Variants in FAAP20 observed in about 807,000 individuals in gnomAD.
FAAP20 encodes the protein FA core complex associated protein 20.
In FAAP20, 12 loss-of-function variants were observed where a neutral mutation model predicts 16.2. The ratio of observed to expected loss-of-function variants is 0.74; its 90% CI spans 0.48 to 1.20. FAAP20 has a LOEUF of 1.20. FAAP20 is among the 50% of genes most tolerant of loss of function. FAAP20 has a pLI of 0.00. For synonymous variants in FAAP20, 141 were observed against 110.7 expected (o/e 1.27, Z -1.72); for missense variants, 288 against 245.8 (o/e 1.17, Z -1.15).
chr1:2,192,166 C>T lies in FAAP20; in HGVS notation c.470+1473G>A, dbSNP rs528183872. On this transcript the variant is annotated intron_variant, in intron 3 of 3. Transcript: ENST00000378546. ...GCGGCCTCCCTGCTGGGGTCCTGTG[C>T]GGTCAGGAGTCCCAGGGCATCCCAG... 3.1e-4 allele frequency: 301 copies of T among 985,790 alleles called. 7 individuals carry two copies. The South Asian group carries it at 0.012, about 39-fold the overall frequency. 61.1% of individuals were successfully genotyped at this position (985,790 alleles called of 1,614,324 possible). A position where few individuals can be genotyped will look rare whatever the true frequency, so the allele number is the denominator to read the frequency against.
At chr1:2,189,149 G>A (rs1379866433), downstream of FAAP20, among the ~76,000 whole-genome samples, 1 of 151,694 alleles carries the variant, frequency 6.6e-6, no homozygotes, top group Non-Finnish European at 1.5e-5. Flanking sequence ...GGGCAACATG[G>A]CAAGACCCCT....
In FAAP20 at chr1:2,194,150, G is replaced by C; in HGVS notation, c.63-17C>G. On this transcript the variant is annotated splice_polypyrimidine_tract_variant and intron_variant, in intron 1 of 3. Transcript: ENST00000378546. Reference sequence around the variant, plus strand: ...CCAGAAGGCCTGGGGCAGACAGAGAGGGCAGACAGGGGGTACTCAGTAGCG... The same window carrying C: ...CCAGAAGGCCTGGGGCAGACAGAGACGGCAGACAGGGGGTACTCAGTAGCG... The C allele has an allele frequency of 6.2e-7, 1 of 1,611,542 alleles. No individual in the cohort carries two copies. Among genetic ancestry groups the C allele is most frequent in the Non-Finnish European group, 8.5e-7 (1 of 1,179,692 alleles).
upstream of FAAP20, chr1:2,200,667 C>T (rs1375319673): frequency 1.0e-6 from 1 of 986,754 alleles, no homozygotes. Context: ...AGGAGACACG[C>T]AGCAGGCTCC....
At chr1:2,208,343 A>G (rs1202764147), downstream of FAAP20, among the ~76,000 whole-genome samples, 6 of 151,444 alleles carry the variant, frequency 4.0e-5, no homozygotes, top group Admixed American at 1.3e-4. Context: ...TCTCAACTTT[A>G]CCCTGTCTCC....
chr1:2,203,522 C>G (rs1447697909), upstream of FAAP20: 7 of 985,698 alleles, frequency 7.1e-6, no homozygotes, highest in Non-Finnish European at 8.4e-6. Flanking sequence ...GTGCACCTGA[C>G]AGGGAAGGTA....
chr1:2,204,756 G>GT (rs1557792801), upstream of FAAP20, among the ~76,000 whole-genome samples: 1 of 152,136 alleles, frequency 6.6e-6, no homozygotes, highest in African/African-American at 2.4e-5. Context: ...TAAATCAGCA[G>GT]TGAGCTGCAG....
upstream of FAAP20, chr1:2,201,191 T>A (rs1689034119): frequency 1.6e-6 from 2 of 1,244,344 alleles, no homozygotes; most frequent in South Asian, 2.6e-5. Flanking sequence ...AGAGGAGCCG[T>A]GGGGTGGCTC....
At chr1:2,201,226 CT>C, upstream of FAAP20, 1 of 1,204,528 alleles carries the variant, frequency 8.3e-7, no homozygotes. Flanking sequence ...CTCGCTGCCC[CT>C]GTGTTGGAAA....
chr1:2,190,071 C>T (rs1486563344), intron 3 of FAAP20: 1 of 581,422 alleles, frequency 1.7e-6, no homozygotes, highest in African/African-American at 1.8e-5. Flanking sequence ...GGCGCCTGCT[C>T]AGCTTGAGAA....
chr1:2,207,192 C>T (rs1469399470), downstream of FAAP20, among the ~76,000 whole-genome samples: 1 of 152,080 alleles, frequency 6.6e-6, no homozygotes, highest in African/African-American at 2.4e-5. Context: ...GGTTCCCAGT[C>T]TGCTGGCAGA....
upstream of FAAP20, among the ~76,000 whole-genome samples, chr1:2,194,940 G>A (rs1358874507): frequency 6.6e-6 from 1 of 151,880 alleles, no homozygotes; most frequent in Admixed American, 6.5e-5. Context: ...CACCGCACAG[G>A]GGGGCCTGGC....
At chr1:2,200,892 C>T (rs544467926), upstream of FAAP20, 32 of 1,096,822 alleles carry the variant, frequency 2.9e-5, no homozygotes, top group East Asian at 5.5e-4. Context: ...GGGACCCCCT[C>T]GGGAGTCCCC....
chr1:2,197,450 A>C (rs913065591), upstream of FAAP20, among the ~76,000 whole-genome samples: 1 of 152,098 alleles, frequency 6.6e-6, no homozygotes, highest in African/African-American at 2.4e-5. Flanking sequence ...CGGGTGCCCC[A>C]AGGGTAGGAG....
rs1321374314 is a variant in FAAP20, at chr1:2,205,012, G to T, written n.451+1293C>A. On this transcript the variant is annotated intron_variant and non_coding_transcript_variant, in intron 3 of 7. Coordinates refer to the FAAP20 transcript ENST00000469733. The stretch of plus-strand genomic sequence containing the variant: ...CCCTCAAGCCCCGCCCCTCCCTCCG[G>T]GCTCCCCACGCCCCGCCCCTCCCAC... Among the ~76,000 whole-genome samples the T allele has an allele frequency of 7.8e-5, 6 of 77,368 alleles. No individual in the cohort carries two copies. The South Asian group carries it at 3.0e-3, about 39-fold the overall frequency. The allele number at this position is 77,368 out of a possible 152,430, so 50.8% of individuals were successfully genotyped here.
At chr1:2,188,379 C>T (rs544727259), downstream of FAAP20, among the ~76,000 whole-genome samples, 3 of 152,220 alleles carry the variant, frequency 2.0e-5, no homozygotes, top group Non-Finnish European at 4.4e-5. Flanking sequence ...AATGATGAGG[C>T]CCTGGAGCCC....
chr1:2,189,169 C>CA (rs540551788), downstream of FAAP20, among the ~76,000 whole-genome samples: 60 of 150,414 alleles, frequency 4.0e-4, no homozygotes, highest in Admixed American at 1.9e-3. Context: ...TCCATCTGTA[C>CA]AAAAAATACT....
Position 2,189,757 on chromosome 1 carries a change from G to A in FAAP20, c.495C>T (p.Ser165=), listed in dbSNP as rs1227919071. The part of the protein sequence containing the change: ...APRLTQLDVD[S]HLAQCLAEST... The stretch of plus-strand genomic sequence containing the variant: ...TTTCGGCCAAGCACTGGGCCAGGTG[G>A]CTGTCAACATCCAGCTGGGTCAGCC... The change falls in exon 4 of 4, where the codon AGC becomes AGT. Residue 165 remains serine (S), a synonymous_variant. Coordinates refer to ENST00000378546, the MANE Select transcript of FAAP20 (RefSeq NM_182533.4). 3.1e-6 allele frequency: 5 copies of A among 1,612,682 alleles called. No homozygotes were observed. The Admixed American group carries it at 8.3e-5, about 27-fold the overall frequency.
intron 1 of FAAP20, 99 bp from the exon 2 acceptor site, chr1:2,194,232 G>C: frequency 6.7e-7 from 1 of 1,483,574 alleles, no homozygotes; most frequent in Non-Finnish European, 9.0e-7. Context: ...CGGGGAGATG[G>C]GGGGTACTAG....
Position 2,189,624 on chromosome 1 carries a change from C to G in FAAP20, c.*85G>C. On this transcript the variant is annotated 3_prime_UTR_variant, in exon 4 of 4. Transcript: ENST00000378546. ...GCGGGGGAGCCGAGAGGCGGGGCTGCTGGCGGGGGAGCCGAGAGGCGGGGC... is the reference window on the plus strand; with the variant it reads ...GCGGGGGAGCCGAGAGGCGGGGCTGGTGGCGGGGGAGCCGAGAGGCGGGGC... 9.6e-7 allele frequency: 1 copy of G among 1,045,760 alleles called. No individual in the cohort carries two copies. The highest frequency in any genetic ancestry group is 1.4e-6 in the Non-Finnish European group (1 of 723,102). 64.8% of individuals were successfully genotyped at this position (1,045,760 alleles called of 1,614,324 possible). A position where few individuals can be genotyped will look rare whatever the true frequency, so the allele number is the denominator to read the frequency against.
Sources: allele counts gnomAD v4.1 joint callset (sites outside exome capture counted in the v4.1 genomes callset), GRCh38; gene constraint gnomAD v4.1.1; transcripts MANE v1.5; gene names NCBI Gene and HGNC (gene_info 2026-07-23, HGNC 2026-07-21).